The following TNS1 variants were observed in gnomAD, a reference collection of about 807,000 sequenced individuals.
TNS1 encodes the protein tensin 1.
Under a neutral mutation model 168.6 loss-of-function variants are expected in TNS1, and 62 were observed. The observed-to-expected ratio is 0.37, with a 90% confidence interval of 0.30 to 0.45. TNS1 has a LOEUF of 0.45. Among genes scored for constraint, TNS1 ranks in the 20% least tolerant of loss-of-function variants. TNS1 has a pLI of 1.00. For synonymous variants in TNS1, 934 were observed against 933.2 expected (o/e 1.00, Z -0.02); for missense variants, 2,240 against 2,339.4 (o/e 0.96, Z 0.88).
At chr2:217,919,454 T>C (rs1955488041) in intron 4 of TNS1, among the ~76,000 whole-genome samples, 1 of 152,248 alleles carries the variant, frequency 6.6e-6, no homozygotes, top group Admixed American at 6.5e-5. Context: ...CACAGGTGCA[T>C]GCAGGCAGCC....
rs764494567 is a variant in TNS1 at position 217,890,987 on chromosome 2, G to A, written c.841C>T (p.Pro281Ser). The A allele has an allele frequency of 6.2e-7, 1 of 1,614,216 alleles. No individual in the cohort carries two copies. The highest frequency in any genetic ancestry group is 8.5e-7 in the Non-Finnish European group (1 of 1,180,042). Reference sequence around the variant, plus strand: ...CTTCTTTGGGATGGCTGGCCAATGGGCACAATCTTATCCTCATAGAACCGC... The same window carrying A: ...CTTCTTTGGGATGGCTGGCCAATGGACACAATCTTATCCTCATAGAACCGC... ...MKRFYEDKIV[P>S]IGQPSQRRYV... The change falls in exon 12 of 33, where the codon CCC becomes TCC. Residue 281 changes from proline (P) to serine (S), a missense_variant. Physicochemically the swap from Pro to Ser is moderately conservative, Grantham distance 74. Transcript: ENST00000682258.
chr2:217,981,650 T>A (rs1057187760), intron 2 of TNS1, among the ~76,000 whole-genome samples: 3 of 152,114 alleles, frequency 2.0e-5, no homozygotes. Context: ...CAAGCCCCCA[T>A]GAATGGATAT....
intron 1 of TNS1, among the ~76,000 whole-genome samples, chr2:218,002,101 G>A (rs1454409289): frequency 2.6e-5 from 4 of 152,214 alleles, no homozygotes; most frequent in South Asian, 2.1e-4. Context: ...CTTTACCCAG[G>A]AGCCTCAGCC....
intron 18 of TNS1, among the ~76,000 whole-genome samples, chr2:217,861,577 T>C (rs1948787521): frequency 6.6e-6 from 1 of 152,138 alleles, no homozygotes; most frequent in African/African-American, 2.4e-5. Context: ...ATCTGCCAGG[T>C]TAAGAACATG....
Position 217,848,671 on chromosome 2 carries a change from C to A in TNS1, c.1846G>T (p.Ala616Ser). ...TCTGTCTCCCGCTCAGATGCTAACGCCCCACCATTGACATGAACCTGGGCT... is the reference window on the plus strand; with the variant it reads ...TCTGTCTCCCGCTCAGATGCTAACGACCCACCATTGACATGAACCTGGGCT... ...VPAQVHVNGG[A>S]LASERETDIL... Residue 616 changes from alanine (A) to serine (S), a missense_variant, in exon 19 of 33, where the codon GCG becomes TCG. This residue lies in a region of TNS1 where 2,131 missense variants were observed against 2,171.2 expected (regional missense o/e 0.98). Transcript: ENST00000682258. 6.2e-7 allele frequency: 1 copy of A among 1,614,228 alleles called. No individual in the cohort carries two copies. The highest frequency in any genetic ancestry group is 2.2e-5 in the East Asian group (1 of 44,886).
At chr2:218,006,689 G>GTTC (rs1254295146), upstream of TNS1, among the ~76,000 whole-genome samples, 1 of 151,968 alleles carries the variant, frequency 6.6e-6, no homozygotes, top group African/African-American at 2.4e-5. Context: ...CCACTCCTTG[G>GTTC]TTCCCCACTA....
chr2:217,810,031 C>A (rs41272677), intron 29 of TNS1, 40 bp from the exon 30 acceptor site: 1 of 1,600,554 alleles, frequency 6.2e-7, no homozygotes, highest in Non-Finnish European at 8.5e-7. Context: ...TGGGAGCTGG[C>A]GTGGGTGAGG....
At chr2:217,859,681 T>C in intron 18 of TNS1, 9 of 1,536,238 alleles carry the variant, frequency 5.9e-6, no homozygotes, top group Non-Finnish European at 7.8e-6. Flanking sequence ...GACTGGCTAT[T>C]GGTATTCTGT....
intron 18 of TNS1, among the ~76,000 whole-genome samples, chr2:217,877,704 T>C (rs1242079394): frequency 6.6e-6 from 1 of 152,170 alleles, no homozygotes; most frequent in Non-Finnish European, 1.5e-5. Context: ...AGGAAAGGGT[T>C]AAATGCAGAG....
At chr2:217,825,562 C>T (rs534177003) in intron 22 of TNS1, among the ~76,000 whole-genome samples, 30 of 152,330 alleles carry the variant, frequency 2.0e-4, no homozygotes, top group African/African-American at 7.0e-4. Context: ...CATTGCCCTA[C>T]GCCCCACCCT....
intron 4 of TNS1, among the ~76,000 whole-genome samples, chr2:217,911,900 T>C (rs1452656487): frequency 6.6e-6 from 1 of 152,228 alleles, no homozygotes; most frequent in African/African-American, 2.4e-5. Flanking sequence ...GGAAGACACT[T>C]CTTAACCATA....
intron 18 of TNS1, among the ~76,000 whole-genome samples, chr2:217,871,628 G>C (rs1949783102): frequency 6.6e-6 from 1 of 152,260 alleles, no homozygotes; most frequent in African/African-American, 2.4e-5. Context: ...CAAACAGCGT[G>C]GTGCACACGA....
chr2:217,816,761 C>T (rs1174417580), intron 24 of TNS1, among the ~76,000 whole-genome samples: 4 of 152,106 alleles, frequency 2.6e-5, no homozygotes, highest in East Asian at 1.9e-4. Context: ...CCCCGGTGGG[C>T]GGCAGGAAAC....
Position 217,835,137 on chromosome 2 carries a change from G to C in TNS1, c.3234C>G (p.Phe1078Leu). 7 of 1,591,250 alleles carry C rather than the reference G, an allele frequency of 4.4e-6. No individual in the cohort carries two copies. The highest frequency in any genetic ancestry group is 6.0e-6 in the Non-Finnish European group (7 of 1,172,028). The change falls in exon 21 of 33, where the codon TTC becomes TTG. Residue 1078 changes from phenylalanine (F) to leucine (L), a missense_variant. Phe to Leu is a conservative substitution (Grantham distance 22, BLOSUM62 0). Around this residue, in one of 2 missense-constraint regions of TNS1, gnomAD observed 2,131 missense variants for 2,171.2 expected, o/e 0.98. Coordinates refer to ENST00000682258, the MANE Select transcript of TNS1 (RefSeq NM_001387777.1). ...TCGGGGAGGTTCCCTCCATCTCCTC[G>C]AAGGCCTCCTTGTAGCTGTGCAAAT... ...EPHLHSYKEA[F>L]EEMEGTSPSS... is the part of the protein sequence containing the mutation.
intron 2 of TNS1, among the ~76,000 whole-genome samples, chr2:217,989,983 A>G (rs113140974): frequency 0.011 from 1,547 of 145,434 alleles, 22 homozygotes; most frequent in African/African-American, 0.037. Flanking sequence ...ACACACCCTC[A>G]GCACACATTA....
intron 12 of TNS1, among the ~76,000 whole-genome samples, chr2:217,889,903 C>T (rs554550102): frequency 6.6e-6 from 1 of 152,310 alleles, no homozygotes; most frequent in East Asian, 1.9e-4. Context: ...CAGCCTCCCC[C>T]AAAGACCTCC....
chr2:218,006,823 T>TA (rs797022477), upstream of TNS1, among the ~76,000 whole-genome samples: 139 of 150,552 alleles, frequency 9.2e-4, no homozygotes, highest in African/African-American at 3.2e-3. Flanking sequence ...AGTGTTGGCT[T>TA]AAAAAAAAAC....
At chr2:217,971,395 G>A (rs1364608484) in intron 3 of TNS1, among the ~76,000 whole-genome samples, 10 of 152,294 alleles carry the variant, frequency 6.6e-5, no homozygotes, top group African/African-American at 1.9e-4. Flanking sequence ...ACACTGTTGC[G>A]CATAGATCAT....
intron 6 of TNS1, chr2:217,903,454 G>T: frequency 8.7e-7 from 1 of 1,149,940 alleles, no homozygotes; most frequent in Non-Finnish European, 1.2e-6. Context: ...CTGCCTGCCT[G>T]TAATCCTATT....
Sources: allele counts gnomAD v4.1 joint callset (sites outside exome capture counted in the v4.1 genomes callset), GRCh38; gene constraint gnomAD v4.1.1; regional missense constraint gnomAD v4.1.1; transcripts MANE v1.5; gene names NCBI Gene and HGNC (gene_info 2026-07-23, HGNC 2026-07-21).